Variants in GRID1 observed in about 807,000 individuals in gnomAD.
The protein encoded by GRID1 is glutamate ionotropic receptor delta type subunit 1.
A neutral mutation model predicts 98.0 loss-of-function variants in GRID1; 28 were observed. The observed-to-expected ratio is 0.29, with a 90% CI of 0.21 to 0.39. GRID1 has a LOEUF of 0.39. Ranked by LOEUF, GRID1 falls within the 10% of genes least tolerant of loss-of-function variation. GRID1 has a pLI of 1.00. For synonymous variants in GRID1, 553 were observed against 538.5 expected (o/e 1.03, Z -0.37); for missense variants, 1,111 against 1,340.5 (o/e 0.83, Z 2.67).
At chr10:85,821,878 T>C (rs1263127938) in intron 8 of GRID1, among the ~76,000 whole-genome samples, 1 of 151,962 alleles carries the variant, frequency 6.6e-6, no homozygotes, top group Non-Finnish European at 1.5e-5. Context: ...TCAGAAATAA[T>C]ACCACACATC....
intron 2 of GRID1, among the ~76,000 whole-genome samples, chr10:86,232,810 C>T (rs1296996576): frequency 6.6e-6 from 1 of 152,140 alleles, no homozygotes; most frequent in Middle Eastern, 3.4e-3. Flanking sequence ...TTTTGATGAA[C>T]TCAGCTTAGC....
intron 5 of GRID1, among the ~76,000 whole-genome samples, chr10:85,880,617 A>G (rs543737872): frequency 0.015 from 2,231 of 151,232 alleles, 63 homozygotes; most frequent in African/African-American, 0.05. Context: ...TTGATGGGAC[A>G]TATCTCAAAA....
intron 13 of GRID1, among the ~76,000 whole-genome samples, chr10:85,632,670 A>T (rs909688806): frequency 1.3e-5 from 2 of 152,156 alleles, no homozygotes. Flanking sequence ...CAGCCTCCCG[A>T]GTAGCTGGGA....
chr10:86,256,342 G>GT (rs1846917230), intron 2 of GRID1, among the ~76,000 whole-genome samples: 1 of 152,214 alleles, frequency 6.6e-6, no homozygotes, highest in Non-Finnish European at 1.5e-5. Context: ...GTTCACACCT[G>GT]TAATCCCAGC....
At chr10:85,833,584 T>C (rs1842887954) in intron 8 of GRID1, among the ~76,000 whole-genome samples, 1 of 150,656 alleles carries the variant, frequency 6.6e-6, no homozygotes, top group South Asian at 2.1e-4. Flanking sequence ...TATCACAATG[T>C]TCAAGATATA....
chr10:86,015,088 T>C (rs1842964224), intron 4 of GRID1, among the ~76,000 whole-genome samples: 1 of 152,254 alleles, frequency 6.6e-6, no homozygotes, highest in African/African-American at 2.4e-5. Flanking sequence ...TGTAATGTTG[T>C]GTGGCACTTA....
intron 13 of GRID1, among the ~76,000 whole-genome samples, chr10:85,621,237 T>A (rs958174162): frequency 6.6e-6 from 1 of 152,180 alleles, no homozygotes; most frequent in Non-Finnish European, 1.5e-5. Context: ...CTTTCCTTTT[T>A]ACCATGGCTT....
At chr10:86,280,449 G>A (rs1847340557) in intron 2 of GRID1, among the ~76,000 whole-genome samples, 1 of 152,044 alleles carries the variant, frequency 6.6e-6, no homozygotes. Context: ...AGTATGGCCA[G>A]TAGATTCAGA....
rs796413015 is a variant in GRID1, at chr10:86,365,065, G to A, written c.80-969C>T. 6.6e-6 allele frequency among the ~76,000 whole-genome samples: 1 copy of A among 152,182 alleles called. No homozygotes were observed. The highest frequency in any genetic ancestry group is 1.5e-5 in the Non-Finnish European group (1 of 68,034). ...GGAGCTAGGCCCAGTGATCCCTCGA[G>A]CTGGGGGCTGGGTAGGAGGAGGGAG... On this transcript the variant is annotated intron_variant, in intron 1 of 15. Transcript: ENST00000327946. This position sits in a 1 kb window ranked among gnomAD's most constrained non-coding sequence, Gnocchi z 4.8.
intron 4 of GRID1, among the ~76,000 whole-genome samples, chr10:85,997,454 A>T (rs1842752932): frequency 6.6e-6 from 1 of 152,152 alleles, no homozygotes; most frequent in Admixed American, 6.5e-5. Context: ...CGTAGAGGGA[A>T]CTAAATGGTG....
intron 3 of GRID1, among the ~76,000 whole-genome samples, chr10:86,180,365 G>C (rs1845638050): frequency 6.6e-6 from 1 of 152,248 alleles, no homozygotes; most frequent in East Asian, 1.9e-4. Context: ...TTGGGCAGGT[G>C]TGACAGTCCT....
At chr10:86,023,253 G>C (rs1042321490) in intron 4 of GRID1, among the ~76,000 whole-genome samples, 14 of 152,148 alleles carry the variant, frequency 9.2e-5, no homozygotes, top group African/African-American at 3.1e-4. Context: ...TCCCAAGAAA[G>C]ACTGAGAAAA....
intron 4 of GRID1, among the ~76,000 whole-genome samples, chr10:85,979,961 G>A (rs992086169): frequency 2.0e-5 from 3 of 152,246 alleles, no homozygotes; most frequent in African/African-American, 7.2e-5. Flanking sequence ...ACAGCAGCCA[G>A]AATGAACTTT....
intron 4 of GRID1, among the ~76,000 whole-genome samples, chr10:86,005,908 G>A (rs1842855314): frequency 6.6e-6 from 1 of 152,162 alleles, no homozygotes; most frequent in Admixed American, 6.5e-5. Context: ...ATAATCTTAT[G>A]TAGACATAAA....
intron 12 of GRID1, among the ~76,000 whole-genome samples, chr10:85,716,694 T>C (rs1841643858): frequency 6.7e-6 from 1 of 148,348 alleles, no homozygotes; most frequent in African/African-American, 2.4e-5. Flanking sequence ...ATATTATATA[T>C]ACATATATAA....
chr10:86,366,509 G>A lies in GRID1; in HGVS notation c.-117C>T, dbSNP rs931863805. On this transcript the variant is annotated 5_prime_UTR_variant, in exon 1 of 16. Transcript: ENST00000327946. This position sits in a 1 kb window ranked among gnomAD's most constrained non-coding sequence, Gnocchi z 4.1. Reference sequence around the variant, plus strand: ...GCCGCTCCCCGGGAGAGCCGAGCCCGCCCGTGCGTCTTCCCCCGCGCGCCC... The same window carrying A: ...GCCGCTCCCCGGGAGAGCCGAGCCCACCCGTGCGTCTTCCCCCGCGCGCCC... 2 of 515,698 alleles carry A rather than the reference G, an allele frequency of 3.9e-6. No individual in the cohort carries two copies. Among genetic ancestry groups the A allele is most frequent in the African/African-American group, 2.0e-5 (1 of 49,024 alleles). The allele number at this position is 515,698 out of a possible 1,614,324, so 31.9% of individuals were successfully genotyped here. A position where few individuals can be genotyped will look rare whatever the true frequency, so the allele number is the denominator to read the frequency against.
At chr10:86,336,908 G>A (rs111496394) in intron 2 of GRID1, among the ~76,000 whole-genome samples, 61 of 150,608 alleles carry the variant, frequency 4.1e-4, no homozygotes, top group Non-Finnish European at 5.9e-4. Flanking sequence ...GCAGTGGCGC[G>A]ATCTCGGCTC....
At chr10:85,742,159 C>T (rs949718136) in intron 8 of GRID1, among the ~76,000 whole-genome samples, 16 of 152,322 alleles carry the variant, frequency 1.1e-4, no homozygotes, top group African/African-American at 2.6e-4. Flanking sequence ...ATCTGACACA[C>T]TTTCTGGCAC....
intron 2 of GRID1, among the ~76,000 whole-genome samples, chr10:86,249,825 C>A (rs1846791826): frequency 6.6e-6 from 1 of 152,222 alleles, no homozygotes; most frequent in South Asian, 2.1e-4. Flanking sequence ...CACAATAGAA[C>A]CTTCCAATCC....
Sources: gnomAD v4.1 joint callset for allele counts (sites outside exome capture counted in the v4.1 genomes callset) on GRCh38, gnomAD v4.1.1 for gene constraint, Gnocchi (gnomAD v3.1) non-coding constraint, MANE v1.5 for transcripts, NCBI Gene and HGNC (gene_info 2026-07-23, HGNC 2026-07-21) for gene names.